Variants in PKHD1 observed in about 807,000 individuals in gnomAD.
PKHD1 encodes the protein fibrocystin.
A neutral mutation model predicts 412.0 loss-of-function variants in PKHD1; 291 were observed. That is an observed-to-expected ratio of 0.71 (90% confidence interval 0.64 to 0.78). PKHD1 has a LOEUF of 0.78. Among genes scored for constraint, PKHD1 ranks in the 30% least tolerant of loss-of-function variants. The probability of loss-of-function intolerance (pLI) is 0.00; values close to 1 mark genes in which losing one functional copy is unlikely to be tolerated. For synonymous variants in PKHD1, 1,777 were observed against 1,821.5 expected (o/e 0.98, Z 0.62); for missense variants, 4,825 against 4,950.7 (o/e 0.97, Z 0.76).
intron 43 of PKHD1, among the ~76,000 whole-genome samples, chr6:51,889,572 G>A (rs549973311): frequency 5.4e-4 from 82 of 152,244 alleles, no homozygotes; most frequent in Non-Finnish European, 1.0e-3. Flanking sequence ...TATTTTATCT[G>A]GCAGGCTTTA....
chr6:51,840,387 T>C (rs1050557539), intron 50 of PKHD1, among the ~76,000 whole-genome samples: 1 of 152,302 alleles, frequency 6.6e-6, no homozygotes, highest in East Asian at 1.9e-4. Flanking sequence ...CATTCACTTA[T>C]GAAACAGTGA....
intron 63 of PKHD1, among the ~76,000 whole-genome samples, chr6:51,642,788 C>G (rs1769543107): frequency 2.0e-5 from 3 of 152,098 alleles, no homozygotes; most frequent in Admixed American, 2.0e-4. Flanking sequence ...TGCAGTGAGA[C>G]AAGATCGTGC....
chr6:52,040,583 G>A (rs1159787185), intron 27 of PKHD1, among the ~76,000 whole-genome samples: 1 of 152,080 alleles, frequency 6.6e-6, no homozygotes, highest in Non-Finnish European at 1.5e-5. Context: ...ATCTTCTACT[G>A]CTCTCCCCTC....
intron 53 of PKHD1, among the ~76,000 whole-genome samples, chr6:51,790,269 G>A (rs1793534756): frequency 6.6e-6 from 1 of 152,072 alleles, no homozygotes; most frequent in African/African-American, 2.4e-5. Flanking sequence ...AGTTCCTTTG[G>A]AGACAGGGTA....
At chr6:51,713,643 C>T (rs2150775284) in intron 60 of PKHD1, among the ~76,000 whole-genome samples, 1 of 152,320 alleles carries the variant, frequency 6.6e-6, no homozygotes, top group East Asian at 1.9e-4. Context: ...GGCCCTTCTG[C>T]AGGTTCTGCA....
intron 33 of PKHD1, 140 bp downstream of exon 33, chr6:52,022,658 TGAG>T (rs565045736): frequency 4.5e-5 from 35 of 778,180 alleles, no homozygotes; most frequent in Non-Finnish European, 5.8e-5. Flanking sequence ...TCATTTTAGA[TGAG>T]GAGTAGAGAA....
chr6:51,892,708 T>A (rs191662814), intron 43 of PKHD1, among the ~76,000 whole-genome samples: 42 of 152,304 alleles, frequency 2.8e-4, no homozygotes, highest in Middle Eastern at 6.8e-3. Context: ...GCTTTAATAG[T>A]CTTTACTAGG....
chr6:51,721,874 A>G, intron 60 of PKHD1: 1 of 1,575,200 alleles, frequency 6.3e-7, no homozygotes, highest in Middle Eastern at 1.7e-4. Context: ...TGAACAATTG[A>G]AACAGTGTCT....
chr6:51,792,388 C>A (rs1255969111), intron 52 of PKHD1, among the ~76,000 whole-genome samples: 1 of 152,192 alleles, frequency 6.6e-6, no homozygotes, highest in African/African-American at 2.4e-5. Context: ...ATCTCTCATT[C>A]TAGGAAACAA....
chr6:52,071,319 T>G (rs900540246), intron 8 of PKHD1, among the ~76,000 whole-genome samples: 1 of 151,720 alleles, frequency 6.6e-6, no homozygotes, highest in Non-Finnish European at 1.5e-5. Flanking sequence ...CCTTAAGCAT[T>G]TGGTCCTTTC....
intron 60 of PKHD1, among the ~76,000 whole-genome samples, chr6:51,660,427 A>C (rs917822159): frequency 6.6e-6 from 1 of 152,198 alleles, no homozygotes; most frequent in Middle Eastern, 3.4e-3. Context: ...GTGTCACATA[A>C]TTTAACCAAA....
At chr6:51,805,714 G>T (rs6458790) in intron 52 of PKHD1, among the ~76,000 whole-genome samples, 93,298 of 151,754 alleles carry the variant, frequency 0.61, 28,924 homozygotes, top group East Asian at 0.78. Context: ...AAGGGGAAAT[G>T]AAAGAGGGAA....
Position 51,836,766 on chromosome 6 carries a change from T to G in PKHD1, c.8108-297A>C, listed in dbSNP as rs554160147. 6.8e-4 allele frequency among the ~76,000 whole-genome samples: 104 copies of G among 152,316 alleles called. 3 individuals carry two copies. In the South Asian group the frequency reaches 0.021, roughly 30 times the overall value. ...CCATATGTTCTAAGGAAGCCAATGGTGTCCAGCAGGGCATATACCTCATAT... is the reference window on the plus strand; with the variant it reads ...CCATATGTTCTAAGGAAGCCAATGGGGTCCAGCAGGGCATATACCTCATAT... On this transcript the variant is annotated intron_variant, in intron 50 of 66. Transcript: ENST00000371117.
chr6:52,076,330 A>C lies in PKHD1; in HGVS notation c.394T>G (p.Ser132Ala). 2 of 1,611,644 alleles carry C rather than the reference A, an allele frequency of 1.2e-6. No individual in the cohort carries two copies. Among genetic ancestry groups the C allele is most frequent in the Non-Finnish European group, 1.7e-6 (2 of 1,177,786 alleles). ...TGAACGATGGGTGTCTGCGCCTTGG[A>C]AAACTGTTTAGAAAATAGTACCACA... ...GPRDSCTFKFSKAQTPIVHQV... is the reference protein window; with the variant it reads ...GPRDSCTFKFAKAQTPIVHQV... The change falls in exon 6 of 67, where the codon TCC becomes GCC. Residue 132 changes from serine to alanine, a missense_variant. Transcript: ENST00000371117.
chr6:51,772,568 C>A, intron 55 of PKHD1, 134 bp downstream of exon 55: 1 of 549,906 alleles, frequency 1.8e-6, no homozygotes, highest in Non-Finnish European at 3.3e-6. Context: ...CCTATAATCG[C>A]TTATTTTTCT....
chr6:51,968,557 A>G (rs1268654), intron 35 of PKHD1, among the ~76,000 whole-genome samples: 5,730 of 152,244 alleles, frequency 0.038, 381 homozygotes, highest in African/African-American at 0.13. Context: ...TTGACATCAG[A>G]CATGTCCCAG....
chr6:51,622,553 T>C (rs113858573), intron 66 of PKHD1: 30 of 152,368 alleles, frequency 2.0e-4, no homozygotes, highest in African/African-American at 6.7e-4. Flanking sequence ...TATGCCATAA[T>C]TAAATACTAA....
At chr6:51,757,942 T>C (rs900164415) in intron 55 of PKHD1, among the ~76,000 whole-genome samples, 2 of 147,758 alleles carry the variant, frequency 1.4e-5, no homozygotes, top group Admixed American at 6.8e-5. Flanking sequence ...GCCCCTGAGG[T>C]TGAAATTGGA....
intron 20 of PKHD1, 75 bp from the exon 21 acceptor site, chr6:52,053,326 C>A: frequency 1.4e-6 from 2 of 1,463,964 alleles, no homozygotes; most frequent in African/African-American, 1.4e-5. Context: ...CCCTTGTTCC[C>A]AACCTGGGGG....
Sources: allele counts gnomAD v4.1 joint callset (sites outside exome capture counted in the v4.1 genomes callset), GRCh38; gene constraint gnomAD v4.1.1; transcripts MANE v1.5; gene names NCBI Gene and HGNC (gene_info 2026-07-23, HGNC 2026-07-21).